The following PPP2R2B variants were observed in gnomAD, a reference collection of about 807,000 sequenced individuals.
The protein encoded by PPP2R2B is protein phosphatase 2 regulatory subunit Bbeta, also known as serine/threonine-protein phosphatase 2A 55 kDa regulatory subunit B beta isoform.
In PPP2R2B, 5 loss-of-function variants were observed where a neutral mutation model predicts 46.0. That is an observed-to-expected ratio of 0.11 (90% CI 0.06 to 0.23). The LOEUF (loss-of-function observed/expected upper bound fraction) is 0.23. Among genes scored for constraint, PPP2R2B ranks in the 10% least tolerant of loss-of-function variants. The pLI is 1.00. For synonymous variants in PPP2R2B, 215 were observed against 206.7 expected (o/e 1.04, Z -0.34); for missense variants, 367 against 575.0 (o/e 0.64, Z 3.70).
At chr5:146,646,461 G>A (rs766937800) in intron 6 of PPP2R2B, among the ~76,000 whole-genome samples, 9 of 152,122 alleles carry the variant, frequency 5.9e-5, no homozygotes, top group Admixed American at 3.9e-4. Flanking sequence ...CTATTAAGAC[G>A]AAAGTTTGAC....
chr5:146,900,648 G>T (rs1322348435), intron 1 of PPP2R2B, among the ~76,000 whole-genome samples: 1 of 143,214 alleles, frequency 7.0e-6, no homozygotes, highest in Non-Finnish European at 1.5e-5. Context: ...TAAGCTCCGG[G>T]CTACAGGATG....
chr5:146,909,580 C>G (rs773225373), intron 1 of PPP2R2B, among the ~76,000 whole-genome samples: 7 of 152,176 alleles, frequency 4.6e-5, no homozygotes, highest in Admixed American at 1.3e-4. Flanking sequence ...AGAAAGAAGC[C>G]TTCCTAATAA....
At chr5:146,888,183 A>G (rs1181459735) in intron 1 of PPP2R2B, among the ~76,000 whole-genome samples, 2 of 152,096 alleles carry the variant, frequency 1.3e-5, no homozygotes, top group Non-Finnish European at 2.9e-5. Flanking sequence ...CACCACTCAC[A>G]TAACAACAAA....
chr5:146,828,683 A>G (rs202165306), intron 2 of PPP2R2B, among the ~76,000 whole-genome samples: 2 of 152,282 alleles, frequency 1.3e-5, no homozygotes, highest in East Asian at 3.9e-4. Context: ...CCAACACAAA[A>G]CAGACAACAC....
Position 146,587,625 on chromosome 5 carries a change from A to C in PPP2R2B, c.*2322T>G, listed in dbSNP as rs1032121904. On this transcript the variant is annotated 3_prime_UTR_variant, in exon 10 of 10. Coordinates refer to ENST00000394411, the MANE Select transcript of PPP2R2B (RefSeq NM_181675.4). ...ATCTTTGATGCCCCTAAGGGCATAA[A>C]TCTTCTGTCATATCAGTTACTCAGG... 1.6e-4 allele frequency: 25 copies of C among 152,306 alleles called. No homozygotes were observed. Among genetic ancestry groups the C allele is most frequent in the African/African-American group, 5.5e-4 (23 of 41,574 alleles). 9.4% of individuals were successfully genotyped at this position (152,306 alleles called of 1,614,324 possible). A position where few individuals can be genotyped will look rare whatever the true frequency, so the allele number is the denominator to read the frequency against.
At chr5:146,979,792 A>T (rs1753083306) in intron 1 of PPP2R2B, among the ~76,000 whole-genome samples, 1 of 152,224 alleles carries the variant, frequency 6.6e-6, no homozygotes, top group Non-Finnish European at 1.5e-5. Flanking sequence ...AAATAGAACA[A>T]TTATAACAAT....
At chr5:147,009,870 C>T (rs1221565784) in intron 1 of PPP2R2B, among the ~76,000 whole-genome samples, 1 of 132,788 alleles carries the variant, frequency 7.5e-6, no homozygotes, top group East Asian at 3.4e-4. Context: ...CACATACACA[C>T]ACACACACAC....
At chr5:146,656,925 A>T (rs1776372358) in intron 5 of PPP2R2B, among the ~76,000 whole-genome samples, 1 of 151,940 alleles carries the variant, frequency 6.6e-6, no homozygotes, top group African/African-American at 2.4e-5. Flanking sequence ...GGTTCTTATT[A>T]TCTTTCCCGC....
intron 2 of PPP2R2B, among the ~76,000 whole-genome samples, chr5:146,756,204 T>A (rs1753821656): frequency 6.6e-6 from 1 of 152,146 alleles, no homozygotes; most frequent in Admixed American, 6.5e-5. Flanking sequence ...AGCTTGGGAA[T>A]AAGAATAACT....
intron 2 of PPP2R2B, among the ~76,000 whole-genome samples, chr5:146,808,677 G>A (rs1757339484): frequency 6.7e-6 from 1 of 150,356 alleles, no homozygotes; most frequent in Non-Finnish European, 1.5e-5. Context: ...GGTTCACTGT[G>A]ACAACTCCTC....
intron 2 of PPP2R2B, among the ~76,000 whole-genome samples, chr5:146,743,946 T>C (rs2151224579): frequency 6.6e-6 from 1 of 152,326 alleles, no homozygotes; most frequent in Admixed American, 6.5e-5. Flanking sequence ...TATTGATTAT[T>C]TCCCACTGAG....
At chr5:146,911,224 C>A (rs1763170597) in intron 1 of PPP2R2B, among the ~76,000 whole-genome samples, 1 of 152,044 alleles carries the variant, frequency 6.6e-6, no homozygotes, top group Non-Finnish European at 1.5e-5. Flanking sequence ...GCTGAGACAA[C>A]AGGTGCACAC....
intron 2 of PPP2R2B, among the ~76,000 whole-genome samples, chr5:146,796,377 A>C (rs1189039764): frequency 2.0e-5 from 3 of 152,138 alleles, no homozygotes; most frequent in Non-Finnish European, 4.4e-5. Context: ...ACTTTTTACC[A>C]AGTGATAAGT....
At chr5:146,848,387 C>T (rs1229969923) in intron 2 of PPP2R2B, among the ~76,000 whole-genome samples, 1 of 152,078 alleles carries the variant, frequency 6.6e-6, no homozygotes, top group Non-Finnish European at 1.5e-5. Flanking sequence ...TAGGATCCTA[C>T]CCAGGATAGT....
chr5:147,023,222 C>A (rs1755370560), intron 1 of PPP2R2B, among the ~76,000 whole-genome samples: 1 of 152,004 alleles, frequency 6.6e-6, no homozygotes, highest in African/African-American at 2.4e-5. Flanking sequence ...TATGCTGCGA[C>A]AAGTGTATTA....
intron 2 of PPP2R2B, among the ~76,000 whole-genome samples, chr5:146,724,781 CA>C (rs1373670601): frequency 6.6e-6 from 1 of 152,020 alleles, no homozygotes; most frequent in Non-Finnish European, 1.5e-5. Context: ...TATACAAAAG[CA>C]AGTCTATCTG....
At chr5:147,034,179 C>G (rs1436617893) in intron 1 of PPP2R2B, among the ~76,000 whole-genome samples, 1 of 152,036 alleles carries the variant, frequency 6.6e-6, no homozygotes, top group African/African-American at 2.4e-5. Context: ...CTTGCTTTTC[C>G]CTCTGTCTAG....
At chr5:146,718,637 C>T (rs1189350800) in intron 2 of PPP2R2B, among the ~76,000 whole-genome samples, 3 of 152,170 alleles carry the variant, frequency 2.0e-5, no homozygotes, top group African/African-American at 4.8e-5. Flanking sequence ...AATGCACACA[C>T]ACCCTTCTGC....
intron 7 of PPP2R2B, among the ~76,000 whole-genome samples, chr5:146,605,683 T>C (rs975095032): frequency 6.6e-6 from 1 of 152,374 alleles, no homozygotes; most frequent in Non-Finnish European, 1.5e-5. Context: ...GGGGCATGAC[T>C]GCCCCTGGTT....
Sources: allele counts gnomAD v4.1 joint callset (sites outside exome capture counted in the v4.1 genomes callset), GRCh38; gene constraint gnomAD v4.1.1; transcripts MANE v1.5; gene names NCBI Gene and HGNC (gene_info 2026-07-23, HGNC 2026-07-21).